Variants in SVOPL observed in about 807,000 individuals in gnomAD.
The protein encoded by SVOPL is putative transporter SVOPL.
SVOPL carries 60 observed loss-of-function variants against 61.0 expected under a neutral mutation model. That is an observed-to-expected ratio of 0.98 (90% CI 0.80 to 1.22). The LOEUF (loss-of-function observed/expected upper bound fraction) is 1.22, where lower values mean the gene tolerates loss of function less well. Ranked by LOEUF, SVOPL falls within the 50% of genes most tolerant of loss-of-function variation. The probability of loss-of-function intolerance (pLI) is 0.00; values close to 1 mark genes in which losing one functional copy is unlikely to be tolerated. For missense variants in SVOPL, 662 were observed against 643.9 expected, an observed-to-expected ratio of 1.03 and a Z score of -0.30; for synonymous variants, 279 against 250.0, an observed-to-expected ratio of 1.12 and a Z score of -1.09.
intron 14 of SVOPL, among the ~76,000 whole-genome samples, chr7:138,598,681 T>C (rs372661982): frequency 4.6e-5 from 7 of 152,164 alleles, no homozygotes; most frequent in South Asian, 2.1e-4. Context: ...AACACTTCTA[T>C]GTAATCCATG....
chr7:138,700,998 T>TATTTTGGGCCCAATATTGGGCCTC (rs1803183645), intron 1 of SVOPL, among the ~76,000 whole-genome samples, 180 bp downstream of exon 1: 1 of 152,042 alleles, frequency 6.6e-6, no homozygotes, highest in African/African-American at 2.4e-5. Context: ...TGGGCCACAG[T>TATTTTGGGCCCAATATTGGGCCTC]AGATCTTTTT....
chr7:138,635,600 T>C (rs1193662494), intron 9 of SVOPL, among the ~76,000 whole-genome samples: 1 of 152,008 alleles, frequency 6.6e-6, no homozygotes, highest in Non-Finnish European at 1.5e-5. Context: ...CAAGAATAAA[T>C]GTCCTGTGGA....
chr7:138,637,613 G>A (rs187021331), intron 9 of SVOPL, among the ~76,000 whole-genome samples: 226 of 151,806 alleles, frequency 1.5e-3, no homozygotes, highest in African/African-American at 5.4e-3. Flanking sequence ...TGTGTTTCTT[G>A]TACCCAATTA....
intron 1 of SVOPL, among the ~76,000 whole-genome samples, chr7:138,683,460 C>T (rs948322221): frequency 6.6e-6 from 1 of 151,984 alleles, no homozygotes; most frequent in Admixed American, 6.6e-5. Flanking sequence ...CTCTGCCCCC[C>T]GGGTTCAAGC....
chr7:138,677,771 T>A (rs1802604078), intron 3 of SVOPL, among the ~76,000 whole-genome samples: 2 of 150,586 alleles, frequency 1.3e-5, no homozygotes, highest in Admixed American at 1.3e-4. Flanking sequence ...ATTTTATTAT[T>A]TTTTTTTTTG....
At chr7:138,648,749 G>GA (rs1351040877) in intron 8 of SVOPL, among the ~76,000 whole-genome samples, 1 of 150,326 alleles carries the variant, frequency 6.7e-6, no homozygotes, top group Non-Finnish European at 1.5e-5. Flanking sequence ...CCAGCCTGGG[G>GA]AGACTCCATC....
At chr7:138,661,382 T>C (rs966920748) in intron 5 of SVOPL, 11 of 985,400 alleles carry the variant, frequency 1.1e-5, no homozygotes, top group Non-Finnish European at 1.1e-5. Flanking sequence ...ACTCCGTACA[T>C]CCATCAACTT....
intron 9 of SVOPL, among the ~76,000 whole-genome samples, chr7:138,632,484 A>G (rs1800253583): frequency 6.6e-6 from 1 of 152,056 alleles, no homozygotes; most frequent in Admixed American, 6.6e-5. Flanking sequence ...AATGGGCATG[A>G]TGGATGGGGG....
At chr7:138,630,514 G>A (rs576557988) in intron 9 of SVOPL, among the ~76,000 whole-genome samples, 113 of 152,324 alleles carry the variant, frequency 7.4e-4, no homozygotes, top group African/African-American at 2.7e-3. Flanking sequence ...TTAAAAAAGA[G>A]TATGAGACTT....
At chr7:138,698,791 G>A (rs2117152559) in intron 1 of SVOPL, among the ~76,000 whole-genome samples, 1 of 151,998 alleles carries the variant, frequency 6.6e-6, no homozygotes, top group South Asian at 2.1e-4. Context: ...TCACCTCTGA[G>A]CAAAGCCATC....
At chr7:138,633,872 G>C (rs868853161) in intron 9 of SVOPL, among the ~76,000 whole-genome samples, 8 of 152,164 alleles carry the variant, frequency 5.3e-5, no homozygotes, top group African/African-American at 7.2e-5. Context: ...GATGTCCTCG[G>C]CAACAAATCA....
At chr7:138,682,498 T>C (rs1802720923) in intron 1 of SVOPL, among the ~76,000 whole-genome samples, 1 of 151,946 alleles carries the variant, frequency 6.6e-6, no homozygotes, top group African/African-American at 2.4e-5. Context: ...ATAAGAAAAA[T>C]GCAGAATGCT....
At position 138,644,723 on chromosome 7, in the gene SVOPL, G is replaced by GGGCT. The variant is rs1269453068; in HGVS notation, c.779_782dup (p.Val262AlafsTer16). 1.2e-6 allele frequency: 2 copies of GGGCT among 1,613,922 alleles called. No individual in the cohort carries two copies. Among genetic ancestry groups the GGGCT allele is most frequent in the Admixed American group, 1.7e-5 (1 of 59,988 alleles). ...CTCGGGGGCCAGCACTCACCAGGAC[G>GGGCT]GGCTCCACCAGCTTCCCCTCCGGCA... On this transcript the variant is annotated frameshift_variant, in exon 9 of 16. Coordinates refer to ENST00000674285, the MANE Select transcript of SVOPL (RefSeq NM_001139456.2). LOFTEE classifies it high-confidence loss of function.
intron 3 of SVOPL, among the ~76,000 whole-genome samples, chr7:138,672,550 T>C (rs1004461829): frequency 2.0e-5 from 3 of 151,668 alleles, no homozygotes; most frequent in Non-Finnish European, 4.4e-5. Flanking sequence ...TTTGAGACAG[T>C]TTCTGATCTC....
intron 3 of SVOPL, 138 bp from the exon 4 acceptor site, chr7:138,672,255 A>G: frequency 1.4e-6 from 1 of 698,522 alleles, no homozygotes; most frequent in Non-Finnish European, 2.4e-6. Flanking sequence ...GTATACCCAC[A>G]CTGCACTGCT....
chr7:138,597,133 G>T, intron 14 of SVOPL: 1 of 1,284,046 alleles, frequency 7.8e-7, no homozygotes, highest in South Asian at 1.3e-5. Context: ...CGCAGATACT[G>T]GTAATTCAGA....
chr7:138,671,761 G>A (rs73453844), intron 4 of SVOPL, among the ~76,000 whole-genome samples: 24,855 of 152,212 alleles, frequency 0.16, 2,844 homozygotes, highest in African/African-American at 0.32. Context: ...TTAGTGACCC[G>A]ATTTAACCTA....
intron 7 of SVOPL, among the ~76,000 whole-genome samples, chr7:138,654,173 A>G (rs1194352021): frequency 6.6e-6 from 1 of 151,934 alleles, no homozygotes; most frequent in Non-Finnish European, 1.5e-5. Context: ...TTGCACACAA[A>G]TAAACACTCA....
chr7:138,617,508 G>T (rs1258721005), intron 14 of SVOPL, among the ~76,000 whole-genome samples: 2 of 152,148 alleles, frequency 1.3e-5, no homozygotes, highest in African/African-American at 4.8e-5. Context: ...TCCCCAGAGG[G>T]TGGCCCGCCA....
Sources: gnomAD v4.1 joint callset for allele counts (sites outside exome capture counted in the v4.1 genomes callset) on GRCh38, gnomAD v4.1.1 for gene constraint, MANE v1.5 for transcripts, NCBI Gene and HGNC (gene_info 2026-07-23, HGNC 2026-07-21) for gene names.